The following COL17A1 variants were observed in gnomAD, a reference collection of about 807,000 sequenced individuals.
COL17A1 encodes the protein collagen type XVII alpha 1 chain.
In COL17A1, 181 loss-of-function variants were observed where a neutral mutation model predicts 218.4. The ratio of observed to expected loss-of-function variants is 0.83; its 90% CI spans 0.73 to 0.94. The LOEUF is 0.94. Among genes scored for constraint, COL17A1 ranks in the 40% least tolerant of loss-of-function variants. COL17A1 has a pLI of 0.00. For missense variants in COL17A1, 1,924 were observed against 1,945.9 expected (o/e 0.99, Z 0.21); for synonymous variants, 721 against 731.0 (o/e 0.99, Z 0.22).
At chr10:104,037,174 T>C in intron 46 of COL17A1, 61 bp from the exon 47 acceptor site, 1 of 1,473,286 alleles carries the variant, frequency 6.8e-7, no homozygotes, top group Non-Finnish European at 9.3e-7. Context: ...ACCCTCACTA[T>C]TCCAGAATCT....
chr10:104,041,970 C>G (rs976361970), intron 36 of COL17A1, among the ~76,000 whole-genome samples: 1 of 152,176 alleles, frequency 6.6e-6, no homozygotes, highest in South Asian at 2.1e-4. Context: ...AGACCAAGCT[C>G]CTAACACAGT....
At chr10:104,080,984 G>A (rs1234112071) in intron 1 of COL17A1, among the ~76,000 whole-genome samples, 2 of 152,180 alleles carry the variant, frequency 1.3e-5, no homozygotes, top group African/African-American at 4.8e-5. Flanking sequence ...CAGGTGTCCT[G>A]ACCTTTGTTT....
chr10:104,054,234 A>G, intron 20 of COL17A1, 116 bp from the exon 21 acceptor site: 1 of 966,640 alleles, frequency 1.0e-6, no homozygotes. Context: ...AAAAATGCAG[A>G]TGTCCAGTTA....
At chr10:104,047,444 C>G (rs1379579828) in intron 31 of COL17A1, among the ~76,000 whole-genome samples, 2 of 152,178 alleles carry the variant, frequency 1.3e-5, no homozygotes, top group African/African-American at 4.8e-5. Context: ...GTTAATCCCA[C>G]TCTTCTGAAT....
chr10:104,076,323 G>T lies in COL17A1; in HGVS notation c.309C>A (p.His103Gln). The T allele has an allele frequency of 6.2e-7, 1 of 1,614,178 alleles. No homozygotes were observed. Among genetic ancestry groups the T allele is most frequent in the Non-Finnish European group, 8.5e-7 (1 of 1,180,010 alleles). The change falls in exon 5 of 56, where the codon CAC becomes CAA. Residue 103 changes from histidine (H) to glutamine (Q), a missense_variant. Physicochemically the swap from His to Gln is conservative, Grantham distance 24. Coordinates refer to ENST00000648076, the MANE Select transcript of COL17A1 (RefSeq NM_000494.4). ...TACCTTCATACGCATGGCGGGTAAC[G>T]TGAGTTTTCCTTTCAAAGGTTGAGC... Reference protein sequence around the residue: ...SPGSTFERKTHVTRHAYEGSS... With the variant: ...SPGSTFERKTQVTRHAYEGSS...
chr10:104,081,771 C>A (rs1352869623), intron 1 of COL17A1, among the ~76,000 whole-genome samples: 1 of 152,190 alleles, frequency 6.6e-6, no homozygotes, highest in African/African-American at 2.4e-5. Context: ...GCTCGACTTA[C>A]CCAGTAGGCA....
In COL17A1 at chr10:104,043,539, G is replaced by A. The variant is rs190317893; in HGVS notation, c.2477C>T (p.Pro826Leu). 4 of 1,612,424 alleles carry A rather than the reference G, an allele frequency of 2.5e-6. No individual in the cohort carries two copies. In the African/African-American group the frequency reaches 5.3e-5, roughly 22 times the overall value. The change falls in exon 35 of 56, where the codon CCT becomes CTT. Residue 826 changes from proline (P) to leucine (L), a missense_variant. Transcript: ENST00000648076. ...MLTVPGPPGP[P>L]GAMGPPGPPG... Reference sequence around the variant, plus strand: ...AGGTCCTGGGGGTCCCATGGCTCCAGGAGGTCCTGGGGGGCCTGGGACAGT... The same window carrying A: ...AGGTCCTGGGGGTCCCATGGCTCCAAGAGGTCCTGGGGGGCCTGGGACAGT...
Position 104,033,936 on chromosome 10 carries a change from C to G in COL17A1, c.4156+9G>C. ...CCCCCAGCACCAAGGCCTAAATGTC[C>G]CCACTTACGCTGCATGCTCTCTGAC... On this transcript the variant is annotated intron_variant, in intron 52 of 55. Coordinates refer to ENST00000648076, the MANE Select transcript of COL17A1 (RefSeq NM_000494.4). 6.2e-7 allele frequency: 1 copy of G among 1,614,186 alleles called. No individual in the cohort carries two copies. The highest frequency in any genetic ancestry group is 8.5e-7 in the Non-Finnish European group (1 of 1,180,038).
intron 23 of COL17A1, among the ~76,000 whole-genome samples, 163 bp from the exon 24 acceptor site, chr10:104,052,380 AC>A (rs1034200698): frequency 6.6e-5 from 10 of 151,980 alleles, no homozygotes; most frequent in Non-Finnish European, 1.3e-4. Context: ...CTTAGCTTCT[AC>A]CCCCAGAGAC....
intron 18 of COL17A1, 58 bp downstream of exon 18, chr10:104,055,724 A>T (rs1328331775): frequency 1.2e-6 from 2 of 1,603,492 alleles, no homozygotes; most frequent in Non-Finnish European, 1.7e-6. Flanking sequence ...CATACCACAT[A>T]GATGCAAAGA....
intron 55 of COL17A1, 39 bp downstream of exon 55, chr10:104,032,635 C>T: frequency 3.8e-6 from 6 of 1,587,272 alleles, no homozygotes; most frequent in Non-Finnish European, 5.2e-6. Context: ...GCCTTGCAGC[C>T]CTCCAGAACA....
chr10:104,046,584 T>C (rs1589562760), intron 32 of COL17A1, among the ~76,000 whole-genome samples, 163 bp downstream of exon 32: 1 of 152,210 alleles, frequency 6.6e-6, no homozygotes, highest in Non-Finnish European at 1.5e-5. Flanking sequence ...TGTGCCTATT[T>C]TTCCTTCCTA....
rs61861280 is a variant in COL17A1, at chr10:104,039,802, G to A, written c.2789-162C>T. On this transcript the variant is annotated intron_variant, in intron 41 of 55. Transcript: ENST00000648076. ...CACACACACACACACACACGCACAC[G>A]CACACTTGCACTACACCCATGCACA... Among the ~76,000 whole-genome samples, 36 of 146,918 alleles carry A rather than the reference G, an allele frequency of 2.5e-4. No homozygotes were observed. In the East Asian group the frequency reaches 2.8e-3, roughly 11 times the overall value.
At chr10:104,082,666 C>T (rs751537632) in intron 1 of COL17A1, among the ~76,000 whole-genome samples, 6 of 152,118 alleles carry the variant, frequency 3.9e-5, no homozygotes, top group Admixed American at 6.5e-5. Context: ...TGGGATTGGC[C>T]GGAAGGGTTC....
chr10:104,055,683 G>C (rs2086515902), intron 18 of COL17A1, 99 bp downstream of exon 18: 1 of 1,502,740 alleles, frequency 6.7e-7, no homozygotes, highest in African/African-American at 1.4e-5. Flanking sequence ...CCGAGAGTGG[G>C]CCGGATGATG....
rs904512651 is a variant in COL17A1 at position 104,080,609 on chromosome 10, C to G, written c.52+13G>C. 1 of 1,611,774 alleles carries G rather than the reference C, an allele frequency of 6.2e-7. No individual in the cohort carries two copies. Among genetic ancestry groups the G allele is most frequent in the Non-Finnish European group, 8.5e-7 (1 of 1,179,860 alleles). On this transcript the variant is annotated intron_variant, in intron 2 of 55. Transcript: ENST00000648076. The stretch of plus-strand genomic sequence containing the variant: ...AATAAAACACATAAATTAAAAAATT[C>G]TGATGCTCTTACTTCTCTCAGTGAC...
At position 104,061,517 on chromosome 10, in the gene COL17A1, G is replaced by A. The variant is rs772867406; in HGVS notation, c.911-44C>T. 2.8e-5 allele frequency: 44 copies of A among 1,588,802 alleles called. 1 individual carries two copies. The South Asian group carries it at 4.8e-4, about 17-fold the overall frequency. On this transcript the variant is annotated intron_variant, in intron 12 of 55. Transcript: ENST00000648076. Reference sequence around the variant, plus strand: ...GGTCAGCATGGGAGGGTGGTTCCAGGTGACTCAGGAGAAGCCTGATCAGCC... The same window carrying A: ...GGTCAGCATGGGAGGGTGGTTCCAGATGACTCAGGAGAAGCCTGATCAGCC...
At position 104,064,557 on chromosome 10, in the gene COL17A1, A is replaced by G; in HGVS notation, c.647T>C (p.Leu216Pro). The change falls in exon 10 of 56, where the codon CTT (leucine) becomes CCT (proline). Residue 216 changes from leucine to proline, a missense_variant. Physicochemically the swap from Leu to Pro is moderately conservative, Grantham distance 98. Coordinates refer to ENST00000648076, the MANE Select transcript of COL17A1 (RefSeq NM_000494.4). ...GGTGGAGGACCACACATGGGAGGGA[A>G]GGTTGGCATCCAGGATCGTTGCATC... ...TYDATILDAN[L>P]PSHVWSSTLP... 6.2e-7 allele frequency: 1 copy of G among 1,614,008 alleles called. No individual in the cohort carries two copies. Among genetic ancestry groups the G allele is most frequent in the Non-Finnish European group, 8.5e-7 (1 of 1,179,956 alleles).
chr10:104,033,232 CCTTA>C lies in COL17A1; in HGVS notation c.4294+2_4294+5del. On this transcript the variant is annotated splice_donor_variant and splice_donor_5th_base_variant and intron_variant, in intron 53 of 55. Coordinates refer to ENST00000648076, the MANE Select transcript of COL17A1 (RefSeq NM_000494.4). LOFTEE classifies it high-confidence loss of function. ...AGGTGCTGGGAAAGCAGTTGGATGCCCTTACTTTGGAAGAAGTCCATGAGGTCCG... is the reference window on the plus strand; with the variant it reads ...AGGTGCTGGGAAAGCAGTTGGATGCCCTTTGGAAGAAGTCCATGAGGTCCG... The C allele has an allele frequency of 6.3e-7, 1 of 1,581,450 alleles. No homozygotes were observed. Among genetic ancestry groups the C allele is most frequent in the Non-Finnish European group, 8.6e-7 (1 of 1,163,490 alleles).
Sources: allele counts gnomAD v4.1 joint callset (sites outside exome capture counted in the v4.1 genomes callset), GRCh38; gene constraint gnomAD v4.1.1; transcripts MANE v1.5; gene names NCBI Gene and HGNC (gene_info 2026-07-23, HGNC 2026-07-21).